Variants in CWC22 observed in about 807,000 individuals in gnomAD.
CWC22 encodes pre-mRNA-splicing factor CWC22 homolog.
Under a neutral mutation model 117.2 loss-of-function variants are expected in CWC22, and 53 were observed. The ratio of observed to expected loss-of-function variants is 0.45; its 90% CI spans 0.36 to 0.57. The LOEUF (loss-of-function observed/expected upper bound fraction) is 0.57. CWC22 is among the 20% of genes least tolerant of loss of function. CWC22 has a pLI of 0.00. For synonymous variants in CWC22, 360 were observed against 355.6 expected (o/e 1.01, Z -0.14); for missense variants, 980 against 1,068.8 (o/e 0.92, Z 1.16).
chr2:179,976,044 T>C (rs968912947), intron 6 of CWC22, among the ~76,000 whole-genome samples: 6 of 152,064 alleles, frequency 3.9e-5, no homozygotes, highest in Non-Finnish European at 5.9e-5. Context: ...ATGACAATAG[T>C]ATAAAAACAG....
chr2:179,980,672 G>A (rs189860784), intron 5 of CWC22, among the ~76,000 whole-genome samples: 2 of 151,980 alleles, frequency 1.3e-5, no homozygotes, highest in Non-Finnish European at 2.9e-5. Flanking sequence ...GGATCATGAC[G>A]TTTCTACTTC....
At chr2:179,948,434 G>A (rs1686363650) in intron 19 of CWC22, among the ~76,000 whole-genome samples, 1 of 152,010 alleles carries the variant, frequency 6.6e-6, no homozygotes. Flanking sequence ...TAAAATTAGT[G>A]AGTAAAAGCT....
At chr2:179,946,464 A>AAGG (rs1553556646) in intron 19 of CWC22, among the ~76,000 whole-genome samples, 11 of 92,532 alleles carry the variant, frequency 1.2e-4, no homozygotes, top group African/African-American at 2.8e-4. Context: ...AAAAAAAAAA[A>AAGG]GGGGGGGGGG....
intron 1 of CWC22, among the ~76,000 whole-genome samples, chr2:180,002,235 G>C (rs2105566820): frequency 6.6e-6 from 1 of 152,286 alleles, no homozygotes; most frequent in Non-Finnish European, 1.5e-5. Flanking sequence ...AAGCTTCCCA[G>C]GTGGCAATTT....
chr2:179,991,485 T>C (rs1687565751), intron 2 of CWC22, among the ~76,000 whole-genome samples: 1 of 152,044 alleles, frequency 6.6e-6, no homozygotes, highest in South Asian at 2.1e-4. Flanking sequence ...GCCAAGCCAC[T>C]AAGTGTGAAG....
chr2:179,999,992 A>C (rs1167083472), intron 1 of CWC22, among the ~76,000 whole-genome samples: 1 of 152,152 alleles, frequency 6.6e-6, no homozygotes, highest in Admixed American at 6.6e-5. Flanking sequence ...CAAGGAACGG[A>C]TTTTCCTTTT....
intron 14 of CWC22, among the ~76,000 whole-genome samples, chr2:179,956,795 T>TA (rs1228794025): frequency 6.6e-6 from 1 of 151,772 alleles, no homozygotes; most frequent in Non-Finnish European, 1.5e-5. Flanking sequence ...TTTTTTTTTT[T>TA]ACCAACATTA....
chr2:179,973,627 T>C lies in CWC22; in HGVS notation c.750+7A>G. ...TATCATTCTACTTACAAGCCATTCATATATACCTTGTCATTTCTTCGATAG... is the reference window on the plus strand; with the variant it reads ...TATCATTCTACTTACAAGCCATTCACATATACCTTGTCATTTCTTCGATAG... On this transcript the variant is annotated splice_region_variant and intron_variant, in intron 7 of 19. Transcript: ENST00000410053. 1 of 1,556,248 alleles carries C rather than the reference T, an allele frequency of 6.4e-7. No individual in the cohort carries two copies. The highest frequency in any genetic ancestry group is 8.8e-7 in the Non-Finnish European group (1 of 1,139,106).
At chr2:179,980,181 T>C (rs1236759186) in intron 5 of CWC22, among the ~76,000 whole-genome samples, 1 of 152,142 alleles carries the variant, frequency 6.6e-6, no homozygotes, top group African/African-American at 2.4e-5. Context: ...CACTACTGCC[T>C]TGTGCATGAG....
At chr2:179,963,358 T>TA (rs1233420524) in intron 13 of CWC22, among the ~76,000 whole-genome samples, 1 of 144,508 alleles carries the variant, frequency 6.9e-6, no homozygotes, top group Non-Finnish European at 1.5e-5. Context: ...TTTTTTTTTT[T>TA]TTGAGACGGA....
In CWC22 at chr2:179,962,296, T is replaced by C. The variant is rs151304015; in HGVS notation, c.1397+2251A>G. Among the ~76,000 whole-genome samples, 12 of 152,302 alleles carry C rather than the reference T, an allele frequency of 7.9e-5. No homozygotes were observed. In the East Asian group the frequency reaches 2.3e-3, roughly 29 times the overall value. ...AGTTCAGTTGCCAGAACTTCGTTTT[T>C]GTTCACAAGATTTTCAAAAGTGGAC... On this transcript the variant is annotated intron_variant, in intron 13 of 19. Transcript: ENST00000410053.
At chr2:179,978,546 CAATAA>C (rs1687207995) in intron 5 of CWC22, among the ~76,000 whole-genome samples, 1 of 151,952 alleles carries the variant, frequency 6.6e-6, no homozygotes, top group South Asian at 2.1e-4. Flanking sequence ...TTTAATAATA[CAATAA>C]GATTATGTAA....
rs528655701 is a variant in CWC22 at position 179,964,715 on chromosome 2, A to C, written c.1316-87T>G. On this transcript the variant is annotated intron_variant, in intron 12 of 19. Coordinates refer to ENST00000410053, the MANE Select transcript of CWC22 (RefSeq NM_020943.3). ...ACTCTGTATAGCATTTTCTTCAAAAATCTATTTAGAATCAATACAAATTTA... is the reference window on the plus strand; with the variant it reads ...ACTCTGTATAGCATTTTCTTCAAAACTCTATTTAGAATCAATACAAATTTA... 2.3e-5 allele frequency: 14 copies of C among 616,802 alleles called. No individual in the cohort carries two copies. In the East Asian group the frequency reaches 3.5e-4, roughly 15 times the overall value. The allele number at this position is 616,802 out of a possible 1,614,324, so 38.2% of individuals were successfully genotyped here.
At chr2:179,979,145 T>C (rs546805900) in intron 5 of CWC22, among the ~76,000 whole-genome samples, 3 of 152,148 alleles carry the variant, frequency 2.0e-5, no homozygotes, top group Non-Finnish European at 4.4e-5. Flanking sequence ...GGAAGTCTGG[T>C]GAAATCAGTA....
Position 179,986,775 on chromosome 2 carries a change from A to G in CWC22, c.126T>C (p.Asp42=). The stretch of plus-strand genomic sequence containing the variant: ...ATCTGCTGTAATCAAAGTAATCTCT[A>G]TCCCGGGGGGATCGTTCTTGTTCTT... ...RYEEQERSPR[D]RDYFDYSRSD... Residue 42 remains aspartate (D), a synonymous_variant, in exon 4 of 20, where the codon GAT becomes GAC. Coordinates refer to ENST00000410053, the MANE Select transcript of CWC22 (RefSeq NM_020943.3). 1 of 1,600,726 alleles carries G rather than the reference A, an allele frequency of 6.2e-7. No individual in the cohort carries two copies. Among genetic ancestry groups the G allele is most frequent in the Non-Finnish European group, 8.5e-7 (1 of 1,174,468 alleles).
intron 1 of CWC22, among the ~76,000 whole-genome samples, chr2:180,004,354 CA>C (rs1374936723): frequency 6.6e-6 from 1 of 152,160 alleles, no homozygotes; most frequent in Non-Finnish European, 1.5e-5. Context: ...CAACAATGTG[CA>C]ATCACTGGGA....
At position 179,973,688 on chromosome 2, in the gene CWC22, T is replaced by G; in HGVS notation, c.696A>C (p.Leu232Phe). The G allele has an allele frequency of 6.2e-7, 1 of 1,611,204 alleles. No homozygotes were observed. Among genetic ancestry groups the G allele is most frequent in the Non-Finnish European group, 8.5e-7 (1 of 1,177,902 alleles). Residue 232 changes from leucine to phenylalanine, a missense_variant, in exon 7 of 20, where the codon TTA (leucine) becomes TTC (phenylalanine). Leu to Phe is a conservative substitution (Grantham distance 22). Coordinates refer to ENST00000410053, the MANE Select transcript of CWC22 (RefSeq NM_020943.3). ...INSKFPQIGELILKRLILNFR... is the reference protein window; with the variant it reads ...INSKFPQIGEFILKRLILNFR... ...AATTAAGAATTAACCTTTTGAGGAT[T>G]AATTCTCCAATTTGTGGAAATTTTG... is the stretch of plus-strand genomic sequence containing the variant.
At position 179,982,002 on chromosome 2, in the gene CWC22, A is replaced by G; in HGVS notation, c.207-5T>C. The G allele has an allele frequency of 6.7e-7, 1 of 1,485,298 alleles. No homozygotes were observed. Among genetic ancestry groups the G allele is most frequent in the Non-Finnish European group, 9.1e-7 (1 of 1,092,980 alleles). 92.0% of individuals were successfully genotyped at this position (1,485,298 alleles called of 1,614,324 possible). ...CGTTTTTCTCGGTCCCTGTTTCTGT[A>G]ATATAAATTTTTTGAAGAGCAGAAA... is the stretch of plus-strand genomic sequence containing the variant. On this transcript the variant is annotated splice_region_variant and splice_polypyrimidine_tract_variant and intron_variant, in intron 4 of 19. Coordinates refer to ENST00000410053, the MANE Select transcript of CWC22 (RefSeq NM_020943.3).
At chr2:179,956,378 G>C (rs919700893) in intron 14 of CWC22, among the ~76,000 whole-genome samples, 2 of 151,208 alleles carry the variant, frequency 1.3e-5, no homozygotes, top group Non-Finnish European at 3.0e-5. Context: ...CACATTACTA[G>C]TCATATTTCA....
Sources: allele counts gnomAD v4.1 joint callset (sites outside exome capture counted in the v4.1 genomes callset), GRCh38; gene constraint gnomAD v4.1.1; transcripts MANE v1.5; gene names NCBI Gene and HGNC (gene_info 2026-07-23, HGNC 2026-07-21).